Variants in OR2AT4 observed in about 807,000 individuals in gnomAD.
OR2AT4 encodes the protein olfactory receptor 2AT4.
Under a neutral mutation model 10.3 loss-of-function variants are expected in OR2AT4, and 6 were observed. That is an observed-to-expected ratio of 0.58 (90% CI 0.32 to 1.15). The LOEUF (loss-of-function observed/expected upper bound fraction) is 1.15. OR2AT4 is among the 50% of genes most tolerant of loss of function. The probability of loss-of-function intolerance (pLI) is 0.05; values close to 1 mark genes in which losing one functional copy is unlikely to be tolerated. For missense variants in OR2AT4, 354 were observed against 393.8 expected (o/e 0.90, Z 0.85); for synonymous variants, 145 against 159.1 (o/e 0.91, Z 0.67).
exon 2 of OR2AT4, chr11:75,088,983 G>T: frequency 6.2e-7 from 1 of 1,614,208 alleles, no homozygotes; most frequent in Non-Finnish European, 8.5e-7. Context: ...GCTGCAGGTG[G>T]AGAAGGCTTT....
rs183196199 is a variant in OR2AT4 at position 75,092,435 on chromosome 11, T to A, written c.-651-2071A>T. Among the ~76,000 whole-genome samples the A allele has an allele frequency of 1.5e-3, 228 of 152,286 alleles. 2 individuals carry two copies. In the South Asian group the frequency reaches 0.02, roughly 13 times the overall value. ...TCACGTGCAATAAAGCCCAAAAATA[T>A]TTGGGATAGATAATATATAGATATC... On this transcript the variant is annotated intron_variant, in intron 1 of 1. Transcript: ENST00000641504.
chr11:75,082,266 G>A (rs1949270186), exon 2 of OR2AT4: 1 of 152,010 alleles, frequency 6.6e-6, no homozygotes, highest in African/African-American at 2.4e-5. Context: ...GCAAAAATAA[G>A]TATGGGAAAA....
chr11:75,095,719 C>G (rs186429389), intron 1 of OR2AT4, among the ~76,000 whole-genome samples: 8 of 150,638 alleles, frequency 5.3e-5, no homozygotes, highest in Non-Finnish European at 1.0e-4. Flanking sequence ...GCTCTATCAC[C>G]CAGGCTGGAG....
intron 1 of OR2AT4, among the ~76,000 whole-genome samples, chr11:75,095,364 A>G (rs945353724): frequency 6.6e-6 from 1 of 152,098 alleles, no homozygotes; most frequent in Non-Finnish European, 1.5e-5. Flanking sequence ...CAGCTCAAAT[A>G]TTACTTCCTC....
chr11:75,089,152 C>A (rs1949306980), exon 2 of OR2AT4: 9 of 1,614,068 alleles, frequency 5.6e-6, no homozygotes, highest in Non-Finnish European at 7.6e-6. Context: ...TGGACCACAG[C>A]CAGATGATCA....
chr11:75,087,132 G>A (rs1949295077), exon 2 of OR2AT4: 1 of 152,190 alleles, frequency 6.6e-6, no homozygotes, highest in African/African-American at 2.4e-5. Context: ...GGAATGGAAA[G>A]AAGACATTAC....
chr11:75,086,772 T>G (rs950343558), exon 2 of OR2AT4: 5 of 152,222 alleles, frequency 3.3e-5, no homozygotes, highest in African/African-American at 1.2e-4. Flanking sequence ...TCTATGAGTC[T>G]TGACAAATAT....
exon 2 of OR2AT4, chr11:75,088,527 G>A (rs554800625): frequency 5.7e-5 from 21 of 365,304 alleles, no homozygotes; most frequent in Admixed American, 1.3e-4. Context: ...CCTGTGATAC[G>A]TTTTTTATTT....
At chr11:75,093,927 A>G (rs1949333617) in intron 1 of OR2AT4, among the ~76,000 whole-genome samples, 1 of 135,516 alleles carries the variant, frequency 7.4e-6, no homozygotes, top group African/African-American at 2.8e-5. Flanking sequence ...GGTTCAAGTG[A>G]TTCGTGTGCC....
exon 2 of OR2AT4, chr11:75,082,568 G>C (rs970369060): frequency 2.0e-5 from 3 of 152,060 alleles, no homozygotes; most frequent in Non-Finnish European, 4.4e-5. Flanking sequence ...ATAGATTAAA[G>C]ATTTAAATGT....
chr11:75,088,957 C>T (rs765037281), exon 2 of OR2AT4: 12 of 1,614,134 alleles, frequency 7.4e-6, no homozygotes, highest in African/African-American at 1.3e-5. Context: ...TAGGTGCCCA[C>T]GACCAGAAGG....
chr11:75,087,383 A>G (rs1214264124), exon 2 of OR2AT4: 3 of 152,202 alleles, frequency 2.0e-5, no homozygotes, highest in Admixed American at 1.3e-4. Context: ...CATATAATTT[A>G]TCTAATATAT....
exon 2 of OR2AT4, chr11:75,089,835 T>A: frequency 9.8e-7 from 1 of 1,019,004 alleles, no homozygotes; most frequent in Non-Finnish European, 1.4e-6. Flanking sequence ...ACTCTGTAGG[T>A]AATATAAGCA....
exon 2 of OR2AT4, chr11:75,089,552 C>T: frequency 1.2e-6 from 2 of 1,614,072 alleles, no homozygotes; most frequent in Non-Finnish European, 8.5e-7. Context: ...GCTCTGCCAC[C>T]ACGGCCACCA....
chr11:75,089,674 G>C lies in OR2AT4; in HGVS notation c.40C>G (p.Pro14Ala), dbSNP rs371454032. The C allele has an allele frequency of 2.5e-6, 4 of 1,613,536 alleles. No individual in the cohort carries two copies. The African/African-American group carries it at 5.3e-5, about 22-fold the overall frequency. ...GGGATGCCCAATAGATAGAAGACGG[G>C]TGAGCCATCCACTGATTCATTACAG... Residue 14 changes from proline to alanine, a missense_variant, in exon 2 of 2, where the codon CCC becomes GCC. Coordinates refer to ENST00000641504, the Ensembl canonical transcript of OR2AT4.
At chr11:75,093,321 A>G (rs376415340) in intron 1 of OR2AT4, among the ~76,000 whole-genome samples, 13 of 152,316 alleles carry the variant, frequency 8.5e-5, no homozygotes, top group African/African-American at 3.1e-4. Flanking sequence ...CCATTTCATT[A>G]TCACTATCCT....
At chr11:75,089,458 T>C in exon 2 of OR2AT4, 6 of 1,614,172 alleles carry the variant, frequency 3.7e-6, no homozygotes, top group Non-Finnish European at 5.1e-6. Flanking sequence ...AAGGACAGCA[T>C]CTTGGGGACA....
chr11:75,082,106 C>T (rs890169530), exon 2 of OR2AT4: 27 of 152,106 alleles, frequency 1.8e-4, no homozygotes, highest in African/African-American at 6.3e-4. Flanking sequence ...AAGCTGGAGG[C>T]ATCACATTAC....
chr11:75,088,943 G>A (rs770594253), exon 2 of OR2AT4: 5 of 1,614,130 alleles, frequency 3.1e-6, no homozygotes, highest in African/African-American at 1.3e-5. Context: ...CAATAGATGA[G>A]TAGTAGGTGC....
Sources: allele counts gnomAD v4.1 joint callset (sites outside exome capture counted in the v4.1 genomes callset), GRCh38; gene constraint gnomAD v4.1.1; transcripts MANE v1.5; gene names NCBI Gene and HGNC (gene_info 2026-07-23, HGNC 2026-07-21).